Variants in HCN1 observed in about 807,000 individuals in gnomAD.
HCN1 encodes the protein hyperpolarization activated cyclic nucleotide gated potassium channel 1.
A neutral mutation model predicts 78.9 loss-of-function variants in HCN1; 13 were observed. The observed-to-expected ratio is 0.16, with a 90% CI of 0.11 to 0.26. The LOEUF (loss-of-function observed/expected upper bound fraction) is 0.26. Ranked by LOEUF, HCN1 falls within the 10% of genes least tolerant of loss-of-function variation. HCN1 has a pLI of 1.00. For synonymous variants in HCN1, 552 were observed against 455.5 expected (o/e 1.21, Z -2.70); for missense variants, 810 against 1,154.3 (o/e 0.70, Z 4.32).
chr5:45,695,662 C>A lies in HCN1; in HGVS notation c.425+7G>T, dbSNP rs759096969. ...GGGAGGGTGGGGCGGCGACCGGGAG[C>A]CCTCACCTGAAATCACTGTAAGGGT... On this transcript the variant is annotated splice_region_variant and intron_variant, in intron 1 of 7. Coordinates refer to ENST00000303230, the MANE Select transcript of HCN1 (RefSeq NM_021072.4). The A allele has an allele frequency of 1.1e-5, 17 of 1,610,912 alleles. No homozygotes were observed. The Admixed American group carries it at 2.0e-4, about 19-fold the overall frequency.
At chr5:45,689,485 G>A (rs1739867571) in intron 1 of HCN1, among the ~76,000 whole-genome samples, 1 of 152,112 alleles carries the variant, frequency 6.6e-6, no homozygotes, top group Admixed American at 6.6e-5. Flanking sequence ...AGAAAAATAA[G>A]TGTGTGCACA....
At chr5:45,311,885 A>G (rs1745858377) in intron 5 of HCN1, among the ~76,000 whole-genome samples, 1 of 152,206 alleles carries the variant, frequency 6.6e-6, no homozygotes, top group Non-Finnish European at 1.5e-5. Context: ...TCAAATTTCT[A>G]GCTGTGGGCT....
At chr5:45,471,890 A>T (rs1734645434) in intron 2 of HCN1, among the ~76,000 whole-genome samples, 1 of 151,890 alleles carries the variant, frequency 6.6e-6, no homozygotes, top group Admixed American at 6.6e-5. Context: ...TCAAAAACTT[A>T]ATTTACCTCA....
intron 5 of HCN1, among the ~76,000 whole-genome samples, chr5:45,332,979 AT>A (rs1383547560): frequency 2.0e-5 from 3 of 151,696 alleles, no homozygotes; most frequent in Non-Finnish European, 2.9e-5. Context: ...CTGATATCTC[AT>A]TTCCTTTCTT....
intron 1 of HCN1, among the ~76,000 whole-genome samples, chr5:45,647,924 C>T (rs1384142872): frequency 6.6e-6 from 1 of 152,182 alleles, no homozygotes; most frequent in East Asian, 1.9e-4. Flanking sequence ...CTTTACTATT[C>T]CCACTGCAGC....
chr5:45,388,730 A>G (rs1747978047), intron 4 of HCN1, among the ~76,000 whole-genome samples: 2 of 152,114 alleles, frequency 1.3e-5, no homozygotes, highest in Non-Finnish European at 2.9e-5. Flanking sequence ...GTGTCATCCC[A>G]CTTACCCCTC....
At chr5:45,357,314 A>T (rs1747023607) in intron 4 of HCN1, among the ~76,000 whole-genome samples, 1 of 152,050 alleles carries the variant, frequency 6.6e-6, no homozygotes, top group South Asian at 2.1e-4. Context: ...CTCTAGTTGG[A>T]TGTTGAGGCT....
At chr5:45,527,784 ATGT>A (rs1487824634) in intron 2 of HCN1, among the ~76,000 whole-genome samples, 1 of 151,954 alleles carries the variant, frequency 6.6e-6, no homozygotes, top group African/African-American at 2.4e-5. Flanking sequence ...CAGACAGAAC[ATGT>A]TGTATTAATT....
At chr5:45,596,195 G>C (rs1210319428) in intron 2 of HCN1, among the ~76,000 whole-genome samples, 4 of 152,062 alleles carry the variant, frequency 2.6e-5, no homozygotes, top group African/African-American at 7.2e-5. Flanking sequence ...ACCACGCCCA[G>C]CCCGGACTTA....
rs760568557 is a variant in HCN1, at chr5:45,695,838, C to T, written c.256G>A (p.Gly86Arg). 1.3e-5 allele frequency: 21 copies of T among 1,601,852 alleles called. No homozygotes were observed. The highest frequency in any genetic ancestry group is 1.7e-5 in the Non-Finnish European group (20 of 1,177,494). The change falls in exon 1 of 8, where the codon GGG becomes AGG. Residue 86 changes from glycine to arginine, a missense_variant. Around this residue, in one of 6 missense-constraint regions of HCN1, gnomAD observed 170 missense variants for 166.8 expected, o/e 1.02. Coordinates refer to ENST00000303230, the MANE Select transcript of HCN1 (RefSeq NM_021072.4). ...EPAGGFEDAE[G>R]PRRQYGFMQR... ...ATGAAGCCGTACTGCCGCCGGGGCCCCTCGGCGTCTTCGAAGCCCCCCGCC... is the reference window on the plus strand; with the variant it reads ...ATGAAGCCGTACTGCCGCCGGGGCCTCTCGGCGTCTTCGAAGCCCCCCGCC...
chr5:45,436,391 A>G (rs1272189533), intron 3 of HCN1, among the ~76,000 whole-genome samples: 3 of 152,204 alleles, frequency 2.0e-5, no homozygotes, highest in Non-Finnish European at 4.4e-5. Context: ...GCATTGTACC[A>G]TACCTGAGTT....
intron 3 of HCN1, among the ~76,000 whole-genome samples, chr5:45,442,183 C>A (rs144802627): frequency 1.3e-5 from 2 of 152,216 alleles, no homozygotes; most frequent in South Asian, 2.1e-4. Context: ...TCTTCAAAGT[C>A]CAGCTGAACT....
chr5:45,626,154 C>A (rs941903501), intron 2 of HCN1, among the ~76,000 whole-genome samples: 6 of 152,194 alleles, frequency 3.9e-5, no homozygotes, highest in African/African-American at 1.2e-4. Flanking sequence ...AAAATTTCAA[C>A]CCAAATCATG....
chr5:45,345,106 T>A (rs1389079571), intron 5 of HCN1, among the ~76,000 whole-genome samples: 1 of 152,162 alleles, frequency 6.6e-6, no homozygotes, highest in East Asian at 1.9e-4. Context: ...AGGCTCAACA[T>A]CATGTGGAAG....
chr5:45,496,113 C>T (rs1289149581), intron 2 of HCN1, among the ~76,000 whole-genome samples: 2 of 152,036 alleles, frequency 1.3e-5, no homozygotes, highest in Non-Finnish European at 2.9e-5. Context: ...ATGCTGGCCT[C>T]ATAAAATGAG....
intron 1 of HCN1, among the ~76,000 whole-genome samples, chr5:45,669,942 G>A (rs1314975808): frequency 2.6e-5 from 4 of 151,632 alleles, no homozygotes; most frequent in Non-Finnish European, 5.9e-5. Flanking sequence ...AGTTTATGGT[G>A]TTTCCCATCC....
intron 3 of HCN1, among the ~76,000 whole-genome samples, chr5:45,440,030 G>A (rs892535536): frequency 2.0e-5 from 3 of 148,332 alleles, no homozygotes; most frequent in African/African-American, 4.9e-5. Context: ...ATCATATAAT[G>A]TAATGTACTA....
intron 4 of HCN1, among the ~76,000 whole-genome samples, chr5:45,384,199 A>T (rs1747869822): frequency 6.6e-6 from 1 of 152,132 alleles, no homozygotes; most frequent in African/African-American, 2.4e-5. Context: ...TTTGGTGTTT[A>T]GTAAAGCTGC....
At chr5:45,427,346 G>T (rs2112073475) in intron 3 of HCN1, among the ~76,000 whole-genome samples, 1 of 151,762 alleles carries the variant, frequency 6.6e-6, no homozygotes, top group Admixed American at 6.6e-5. Flanking sequence ...GGCTTATCTT[G>T]TTTATTTTTT....
Sources: allele counts gnomAD v4.1 joint callset (sites outside exome capture counted in the v4.1 genomes callset), GRCh38; gene constraint gnomAD v4.1.1; regional missense constraint gnomAD v4.1.1; transcripts MANE v1.5; gene names NCBI Gene and HGNC (gene_info 2026-07-23, HGNC 2026-07-21).